The following ZPBP variants were observed in gnomAD, a reference collection of about 807,000 sequenced individuals.
ZPBP encodes the protein zona pellucida-binding protein 1.
A neutral mutation model predicts 44.8 loss-of-function variants in ZPBP; 26 were observed. The ratio of observed to expected loss-of-function variants is 0.58; its 90% CI spans 0.43 to 0.81. The LOEUF is 0.81. ZPBP is among the 30% of genes least tolerant of loss of function. The pLI is 0.00. For missense variants in ZPBP, 409 were observed against 434.0 expected, an observed-to-expected ratio of 0.94 and a Z score of 0.51; for synonymous variants, 174 against 153.2, an observed-to-expected ratio of 1.14 and a Z score of -1.00.
intron 3 of ZPBP, among the ~76,000 whole-genome samples, chr7:50,069,512 C>G (rs903699299): frequency 1.3e-5 from 2 of 152,318 alleles, no homozygotes; most frequent in Middle Eastern, 3.4e-3. Flanking sequence ...TCCTCCAACC[C>G]TAGTCACCAC....
chr7:50,019,628 T>G (rs1278608974), intron 5 of ZPBP, among the ~76,000 whole-genome samples: 1 of 152,124 alleles, frequency 6.6e-6, no homozygotes, highest in Non-Finnish European at 1.5e-5. Flanking sequence ...TATGAATATA[T>G]GCAGAGTATA....
At chr7:50,029,903 T>G (rs1217563871) in intron 5 of ZPBP, among the ~76,000 whole-genome samples, 1 of 152,224 alleles carries the variant, frequency 6.6e-6, no homozygotes, top group African/African-American at 2.4e-5. Context: ...TCAGCCAGGC[T>G]GAAGTGCAGT....
At chr7:49,921,326 C>T (rs1794006104) in intron 1 of ZPBP, 1 of 152,146 alleles carries the variant, frequency 6.6e-6, no homozygotes, top group Non-Finnish European at 1.5e-5. Flanking sequence ...AGCCTTACTC[C>T]ATAGCTATAG....
downstream of ZPBP, among the ~76,000 whole-genome samples, chr7:49,932,856 C>T (rs1345793120): frequency 1.3e-5 from 2 of 152,110 alleles, no homozygotes; most frequent in Non-Finnish European, 2.9e-5. Flanking sequence ...TGGTAGTAAG[C>T]CTCACAAGAT....
At chr7:49,855,264 G>C (rs1481472691) in intron 2 of ZPBP, among the ~76,000 whole-genome samples, 1 of 152,114 alleles carries the variant, frequency 6.6e-6, no homozygotes, top group Non-Finnish European at 1.5e-5. Context: ...GGAAAACACT[G>C]GGTCATAGTT....
Position 50,090,719 on chromosome 7 carries a change from T to C in ZPBP, c.128-1010A>G, listed in dbSNP as rs1402967852. On this transcript the variant is annotated intron_variant, in intron 1 of 7. Transcript: ENST00000046087. ...GTTTCTTTATCCACTCATTGACTGATGGGCATTTGGGCTGGTTCCATGTTT... is the reference window on the plus strand; with the variant it reads ...GTTTCTTTATCCACTCATTGACTGACGGGCATTTGGGCTGGTTCCATGTTT... 3.9e-5 allele frequency among the ~76,000 whole-genome samples: 6 copies of C among 152,114 alleles called. No individual in the cohort carries two copies. The South Asian group carries it at 1.0e-3, about 26-fold the overall frequency.
intron 1 of ZPBP, among the ~76,000 whole-genome samples, chr7:49,908,175 CT>C (rs1056232485): frequency 1.3e-5 from 2 of 152,184 alleles, no homozygotes; most frequent in African/African-American, 4.8e-5. Context: ...TACAAAAAGT[CT>C]GTTTTGTCAG....
At chr7:50,091,253 G>T (rs1419486295) in intron 1 of ZPBP, among the ~76,000 whole-genome samples, 1 of 151,988 alleles carries the variant, frequency 6.6e-6, no homozygotes, top group Admixed American at 6.6e-5. Context: ...TGTATATATT[G>T]TGAAGGTTTT....
chr7:49,958,168 G>A (rs1481773236), intron 7 of ZPBP, among the ~76,000 whole-genome samples: 2 of 152,150 alleles, frequency 1.3e-5, no homozygotes, highest in Non-Finnish European at 2.9e-5. Context: ...GGTCACAGCT[G>A]GAGGGAAATT....
At chr7:50,077,440 T>C (rs961462114) in intron 3 of ZPBP, among the ~76,000 whole-genome samples, 3 of 151,584 alleles carry the variant, frequency 2.0e-5, no homozygotes, top group Admixed American at 2.0e-4. Flanking sequence ...AAGGATACAA[T>C]CAATGAAGTG....
At chr7:49,882,097 T>C (rs1791689372) in intron 2 of ZPBP, among the ~76,000 whole-genome samples, 2 of 152,164 alleles carry the variant, frequency 1.3e-5, no homozygotes, top group African/African-American at 4.8e-5. Flanking sequence ...CAAAAAATGA[T>C]GTATAAACAT....
At position 49,983,351 on chromosome 7, in the gene ZPBP, C is replaced by T. The variant is rs1014592521; in HGVS notation, c.952G>A (p.Glu318Lys). 15 of 1,613,220 alleles carry T rather than the reference C, an allele frequency of 9.3e-6. No individual in the cohort carries two copies. Among genetic ancestry groups the T allele is most frequent in the Non-Finnish European group, 1.3e-5 (15 of 1,179,600 alleles). The change falls in exon 7 of 8, where the codon GAG becomes AAG. Residue 318 changes from glutamate to lysine, a missense_variant. Physicochemically the swap from Glu to Lys is moderately conservative, Grantham distance 56. This residue lies in a region of ZPBP where 42 missense variants were observed against 71.0 expected (regional missense o/e 0.59). Transcript: ENST00000046087. ...ATAATTCATTACATACCACAGCACT[C>T]AGGACATTTTGGATGTTGCTGGACA... Reference protein sequence around the residue: ...MNVQQHPKCPECCVICSPGSY... With the variant: ...MNVQQHPKCPKCCVICSPGSY...
At chr7:49,939,325 TTAAA>T (rs1352425305) in intron 7 of ZPBP, among the ~76,000 whole-genome samples, 1 of 152,168 alleles carries the variant, frequency 6.6e-6, no homozygotes, top group Non-Finnish European at 1.5e-5. Flanking sequence ...AAATACAAGC[TTAAA>T]TAAATATGAC....
At chr7:49,888,735 A>T (rs581181) in intron 2 of ZPBP, among the ~76,000 whole-genome samples, 4,942 of 151,820 alleles carry the variant, frequency 0.033, 295 homozygotes, top group African/African-American at 0.11. Flanking sequence ...ACATGGTAAA[A>T]CCCCGTTTCT....
intron 1 of ZPBP, among the ~76,000 whole-genome samples, chr7:50,090,159 C>A (rs73695169): frequency 0.047 from 7,153 of 151,990 alleles, 191 homozygotes; most frequent in African/African-American, 0.067. Context: ...TACATAAATT[C>A]TTTAGTAAGG....
At chr7:49,874,567 T>C (rs1196892606) in intron 2 of ZPBP, among the ~76,000 whole-genome samples, 1 of 152,104 alleles carries the variant, frequency 6.6e-6, no homozygotes, top group Admixed American at 6.5e-5. Context: ...TGTGTGTGTG[T>C]GTGTATGTAT....
At chr7:49,913,472 AACTATAATC>A (rs1562771820) in intron 1 of ZPBP, 1 of 152,216 alleles carries the variant, frequency 6.6e-6, no homozygotes, top group African/African-American at 2.4e-5. Flanking sequence ...AAAAAAGCAA[AACTATAATC>A]ACTATTAATG....
At chr7:49,938,675 C>A (rs1203707651) in intron 7 of ZPBP, among the ~76,000 whole-genome samples, 2 of 152,174 alleles carry the variant, frequency 1.3e-5, no homozygotes, top group Non-Finnish European at 1.5e-5. Flanking sequence ...TGCCATCAAG[C>A]CTCATAATTG....
intron 6 of ZPBP, among the ~76,000 whole-genome samples, chr7:49,998,380 T>G (rs559469997): frequency 6.6e-6 from 1 of 152,312 alleles, no homozygotes; most frequent in East Asian, 1.9e-4. Context: ...CTGAAGCCAT[T>G]TATGTGATAC....
Sources: gnomAD v4.1 joint callset for allele counts (sites outside exome capture counted in the v4.1 genomes callset) on GRCh38, gnomAD v4.1.1 for gene constraint, gnomAD v4.1.1 regional missense constraint, MANE v1.5 for transcripts, NCBI Gene and HGNC (gene_info 2026-07-23, HGNC 2026-07-21) for gene names.